The following GPC6 variants were observed in gnomAD, a reference collection of about 807,000 sequenced individuals.
GPC6 encodes glypican 6.
In GPC6, 14 loss-of-function variants were observed where a neutral mutation model predicts 55.2. The observed-to-expected ratio is 0.25, with a 90% CI of 0.17 to 0.40. The LOEUF (loss-of-function observed/expected upper bound fraction) is 0.40, where lower values mean the gene tolerates loss of function less well. GPC6 is among the 10% of genes least tolerant of loss of function. The pLI is 1.00. For missense variants in GPC6, 641 were observed against 708.5 expected (o/e 0.90, Z 1.08); for synonymous variants, 278 against 259.6 (o/e 1.07, Z -0.68).
rs577884269 is a variant in GPC6, at chr13:93,698,001, A to G, written c.320-132153A>G. 7.9e-5 allele frequency among the ~76,000 whole-genome samples: 12 copies of G among 152,296 alleles called. 1 individual carries two copies. The highest frequency in any genetic ancestry group is 7.2e-4 in the Admixed American group (11 of 15,274). Reference sequence around the variant, plus strand: ...GGCCTTCAACCATATCTCTAAAATAATCTGATTCCTAATTGTATTACTTGT... The same window carrying G: ...GGCCTTCAACCATATCTCTAAAATAGTCTGATTCCTAATTGTATTACTTGT... On this transcript the variant is annotated intron_variant, in intron 2 of 8. Transcript: ENST00000377047.
In GPC6 at chr13:94,403,811, T is replaced by C; in HGVS notation, c.*594T>C. On this transcript the variant is annotated 3_prime_UTR_variant, in exon 9 of 9. Transcript: ENST00000377047. ...CACTGTTGTCTTGGAGGTATCATCTTGCACTCTAACCAAACAACACCAAAT... is the reference window on the plus strand; with the variant it reads ...CACTGTTGTCTTGGAGGTATCATCTCGCACTCTAACCAAACAACACCAAAT... The C allele has an allele frequency of 6.0e-6, 1 of 167,816 alleles. No individual in the cohort carries two copies. The highest frequency in any genetic ancestry group is 1.6e-4 in the East Asian group (1 of 6,144). The allele number at this position is 167,816 out of a possible 1,614,324, so 10.4% of individuals were successfully genotyped here. A position where few individuals can be genotyped will look rare whatever the true frequency, so the allele number is the denominator to read the frequency against.
intron 2 of GPC6, among the ~76,000 whole-genome samples, chr13:93,546,845 GA>G (rs1359866718): frequency 2.0e-5 from 3 of 152,024 alleles, no homozygotes; most frequent in African/African-American, 7.2e-5. Flanking sequence ...GTGTCTCTGG[GA>G]AAACAAACAA....
In GPC6 at chr13:94,305,984, T is replaced by C; in HGVS notation, c.1013T>C (p.Phe338Ser). ...ENSMQVSAKV[F>S]QGCGQPKPAP... is the part of the protein sequence containing the mutation. ...ACTTTTCAATGGTTCTTCCAGGTCT[T>C]TCAGGGATGTGGTCAGCCCAAACCT... The change falls in exon 6 of 9, where the codon TTT (phenylalanine) becomes TCT (serine). Residue 338 changes from phenylalanine to serine, a missense_variant. Coordinates refer to ENST00000377047, the MANE Select transcript of GPC6 (RefSeq NM_005708.5). 6.2e-7 allele frequency: 1 copy of C among 1,614,144 alleles called. No individual in the cohort carries two copies. Among genetic ancestry groups the C allele is most frequent in the Non-Finnish European group, 8.5e-7 (1 of 1,179,972 alleles).
intron 4 of GPC6, among the ~76,000 whole-genome samples, chr13:94,033,957 G>A (rs1883232244): frequency 6.6e-6 from 1 of 152,098 alleles, no homozygotes. Context: ...TGTTCTGTTA[G>A]CTAGAGGACT....
chr13:94,283,125 A>G (rs1892433455), intron 4 of GPC6, among the ~76,000 whole-genome samples: 1 of 152,192 alleles, frequency 6.6e-6, no homozygotes, highest in African/African-American at 2.4e-5. Context: ...CCTCATAGCA[A>G]TTGCTGTCAA....
intron 4 of GPC6, among the ~76,000 whole-genome samples, chr13:94,146,918 C>A (rs1457322071): frequency 2.0e-5 from 3 of 152,154 alleles, no homozygotes; most frequent in Non-Finnish European, 4.4e-5. Flanking sequence ...TATATTTCCA[C>A]TGTTAACAGA....
intron 1 of GPC6, among the ~76,000 whole-genome samples, chr13:93,361,977 A>G (rs781523388): frequency 1.8e-4 from 28 of 152,198 alleles, no homozygotes; most frequent in Non-Finnish European, 3.5e-4. Flanking sequence ...GGATGATCAT[A>G]CAAAGACTCC....
chr13:93,763,352 G>A (rs1472211162), intron 2 of GPC6, among the ~76,000 whole-genome samples: 1 of 152,156 alleles, frequency 6.6e-6, no homozygotes, highest in East Asian at 1.9e-4. Flanking sequence ...ACATCACATT[G>A]CATAGCCTAC....
intron 7 of GPC6, among the ~76,000 whole-genome samples, chr13:94,398,135 T>C (rs1044102247): frequency 6.6e-6 from 1 of 152,052 alleles, no homozygotes; most frequent in Non-Finnish European, 1.5e-5. Context: ...GTCTCAGGTA[T>C]GTATGTTTCA....
chr13:93,407,451 A>G (rs981064785), intron 1 of GPC6, among the ~76,000 whole-genome samples: 4 of 152,120 alleles, frequency 2.6e-5, no homozygotes, highest in Non-Finnish European at 5.9e-5. Context: ...ACTTTGAGTT[A>G]TTATGATAAA....
chr13:93,255,346 C>T (rs1876917295), intron 1 of GPC6, among the ~76,000 whole-genome samples: 1 of 152,074 alleles, frequency 6.6e-6, no homozygotes, highest in Non-Finnish European at 1.5e-5. Context: ...TATACTAGAA[C>T]CATTCAAATT....
intron 1 of GPC6, among the ~76,000 whole-genome samples, chr13:93,428,875 A>G (rs1877251236): frequency 6.6e-6 from 1 of 152,188 alleles, no homozygotes; most frequent in Admixed American, 6.6e-5. Context: ...CCCATTTTGG[A>G]AATCACACAT....
intron 3 of GPC6, among the ~76,000 whole-genome samples, chr13:93,859,852 A>G (rs1254951541): frequency 2.0e-5 from 3 of 151,650 alleles, no homozygotes; most frequent in Non-Finnish European, 1.5e-5. Context: ...AGAAAATGCT[A>G]CAACAGCTAA....
intron 1 of GPC6, among the ~76,000 whole-genome samples, chr13:93,525,885 G>A (rs1331187878): frequency 2.0e-5 from 3 of 152,046 alleles, no homozygotes; most frequent in Non-Finnish European, 1.5e-5. Flanking sequence ...TCAGCCCAGT[G>A]GCTCACAACC....
At chr13:93,857,658 G>A (rs1245338863) in intron 3 of GPC6, among the ~76,000 whole-genome samples, 1 of 151,574 alleles carries the variant, frequency 6.6e-6, no homozygotes, top group Non-Finnish European at 1.5e-5. Context: ...TTATAGGACT[G>A]TTGGTAACTG....
At chr13:93,800,932 A>C (rs71429538) in intron 2 of GPC6, among the ~76,000 whole-genome samples, 2 of 152,078 alleles carry the variant, frequency 1.3e-5, no homozygotes, top group Admixed American at 6.6e-5. Flanking sequence ...TTCTTGAGTT[A>C]TTTGTTGTAT....
chr13:93,988,708 CA>C (rs1194112041), intron 3 of GPC6, among the ~76,000 whole-genome samples: 3 of 152,066 alleles, frequency 2.0e-5, no homozygotes, highest in African/African-American at 7.2e-5. Flanking sequence ...AATTGTCTCC[CA>C]AACGCTCTAC....
intron 2 of GPC6, among the ~76,000 whole-genome samples, chr13:93,621,995 C>T (rs1204841106): frequency 6.6e-6 from 1 of 152,100 alleles, no homozygotes; most frequent in African/African-American, 2.4e-5. Context: ...CATTAACCAA[C>T]CTCTTTTTCC....
chr13:93,328,940 C>T (rs913926375), intron 1 of GPC6, among the ~76,000 whole-genome samples: 1 of 151,980 alleles, frequency 6.6e-6, no homozygotes, highest in South Asian at 2.1e-4. Context: ...CAGTTCAAGT[C>T]GTCAGTTTAG....
Sources: gnomAD v4.1 joint callset for allele counts (sites outside exome capture counted in the v4.1 genomes callset) on GRCh38, gnomAD v4.1.1 for gene constraint, MANE v1.5 for transcripts, NCBI Gene and HGNC (gene_info 2026-07-23, HGNC 2026-07-21) for gene names.